The following NETO2 variants were observed in gnomAD, a reference collection of about 807,000 sequenced individuals.
The protein encoded by NETO2 is neuropilin and tolloid-like protein 2.
Under a neutral mutation model 62.5 loss-of-function variants are expected in NETO2, and 28 were observed. The observed-to-expected ratio is 0.45, with a 90% CI of 0.33 to 0.61. NETO2 has a LOEUF of 0.61. Ranked by LOEUF, NETO2 falls within the 20% of genes least tolerant of loss-of-function variation. NETO2 has a pLI of 0.02. For synonymous variants in NETO2, 214 were observed against 219.1 expected, an observed-to-expected ratio of 0.98 and a Z score of 0.21; for missense variants, 548 against 643.2, an observed-to-expected ratio of 0.85 and a Z score of 1.60.
chr16:47,124,652 A>C (rs1964117805), intron 4 of NETO2, among the ~76,000 whole-genome samples: 2 of 152,220 alleles, frequency 1.3e-5, no homozygotes, highest in African/African-American at 4.8e-5. Context: ...CTTTTCTCCA[A>C]TGTGACCTCA....
At chr16:47,100,940 T>TAACTCA (rs902624708) in intron 7 of NETO2, among the ~76,000 whole-genome samples, 10 of 152,184 alleles carry the variant, frequency 6.6e-5, no homozygotes, top group African/African-American at 2.4e-4. Context: ...GACTTCTCCA[T>TAACTCA]AACTCACTTT....
rs1429118001 is a variant in NETO2, at chr16:47,079,213, GGAGCTTGCAGT to G, written c.*3997_*4007del. 1 of 151,282 alleles carries G rather than the reference GGAGCTTGCAGT, an allele frequency of 6.6e-6. No individual in the cohort carries two copies. Among genetic ancestry groups the G allele is most frequent in the African/African-American group, 2.4e-5 (1 of 41,054 alleles). 9.4% of individuals were successfully genotyped at this position (151,282 alleles called of 1,614,324 possible). A position where few individuals can be genotyped will look rare whatever the true frequency, so the allele number is the denominator to read the frequency against. On this transcript the variant is annotated 3_prime_UTR_variant, in exon 9 of 9. Coordinates refer to ENST00000562435, the MANE Select transcript of NETO2 (RefSeq NM_018092.5). ...GGAGAATGGCATGAACCCGGGAGGC[GGAGCTTGCAGT>G]GAGCCGAGATCACGCCACTGCACTC...
intron 7 of NETO2, among the ~76,000 whole-genome samples, chr16:47,104,992 T>A (rs979831423): frequency 1.3e-5 from 2 of 152,052 alleles, no homozygotes; most frequent in Non-Finnish European, 2.9e-5. Context: ...AGTGCTCGGA[T>A]AACAGGCATG....
intron 6 of NETO2, among the ~76,000 whole-genome samples, chr16:47,120,413 G>C (rs1250630962): frequency 1.3e-5 from 2 of 151,814 alleles, no homozygotes; most frequent in African/African-American, 4.8e-5. Flanking sequence ...TGTATTTATA[G>C]GGTACATGAG....
intron 8 of NETO2, among the ~76,000 whole-genome samples, chr16:47,085,567 A>G (rs1194603433): frequency 6.6e-6 from 1 of 151,568 alleles, no homozygotes; most frequent in Non-Finnish European, 1.5e-5. Flanking sequence ...TGTTTTTAGT[A>G]GAAATGGGGT....
At chr16:47,141,791 C>T (rs1390429734) in intron 1 of NETO2, among the ~76,000 whole-genome samples, 1 of 152,226 alleles carries the variant, frequency 6.6e-6, no homozygotes. Context: ...ATTGTTTTCA[C>T]CGTAGCTCTG....
chr16:47,084,463 A>G (rs1474401513), intron 8 of NETO2, among the ~76,000 whole-genome samples: 1 of 152,158 alleles, frequency 6.6e-6, no homozygotes, highest in East Asian at 1.9e-4. Flanking sequence ...GCTGCTCCCC[A>G]TCACTCGCAT....
At chr16:47,110,591 TCA>T (rs529403637) in intron 6 of NETO2, among the ~76,000 whole-genome samples, 45 of 152,200 alleles carry the variant, frequency 3.0e-4, no homozygotes, top group Non-Finnish European at 5.1e-4. Flanking sequence ...CTTTACATAC[TCA>T]CACAGTGTTC....
chr16:47,140,537 G>T (rs1964441473), intron 1 of NETO2, among the ~76,000 whole-genome samples: 1 of 152,174 alleles, frequency 6.6e-6, no homozygotes, highest in Admixed American at 6.5e-5. Context: ...CCTAAATAGT[G>T]ATTTTAATTT....
intron 6 of NETO2, among the ~76,000 whole-genome samples, chr16:47,118,438 G>T (rs916768435): frequency 3.3e-5 from 5 of 152,052 alleles, no homozygotes; most frequent in Non-Finnish European, 5.9e-5. Flanking sequence ...TGACAACATG[G>T]TCTCCTCTAT....
chr16:47,122,795 T>C lies in NETO2; in HGVS notation c.527-11A>G, dbSNP rs748508582. 2 of 1,613,952 alleles carry C rather than the reference T, an allele frequency of 1.2e-6. No individual in the cohort carries two copies. The highest frequency in any genetic ancestry group is 1.1e-5 in the South Asian group (1 of 91,050). On this transcript the variant is annotated splice_polypyrimidine_tract_variant and intron_variant, in intron 5 of 8. Coordinates refer to ENST00000562435, the MANE Select transcript of NETO2 (RefSeq NM_018092.5). ...GCTCGAACTGACAATCTGGAAGGAA[T>C]ACATGAAAGGTGTTCAAAGGAACAT... is the stretch of plus-strand genomic sequence containing the variant.
rs1198009001 is a variant in NETO2, at chr16:47,080,734, C to T, written c.*2487G>A. 1 of 152,158 alleles carries T rather than the reference C, an allele frequency of 6.6e-6. No individual in the cohort carries two copies. The highest frequency in any genetic ancestry group is 2.4e-5 in the African/African-American group (1 of 41,434). The allele number at this position is 152,158 out of a possible 1,614,324, so 9.4% of individuals were successfully genotyped here. A position where few individuals can be genotyped will look rare whatever the true frequency, so the allele number is the denominator to read the frequency against. ...CCTGAAAATACAGACTGACCCTAAACCAATGTTCCTAGACGACATTAAGTT... is the reference window on the plus strand; with the variant it reads ...CCTGAAAATACAGACTGACCCTAAATCAATGTTCCTAGACGACATTAAGTT... On this transcript the variant is annotated 3_prime_UTR_variant, in exon 9 of 9. Transcript: ENST00000562435.
intron 4 of NETO2, among the ~76,000 whole-genome samples, chr16:47,125,517 C>T (rs950951780): frequency 6.6e-6 from 1 of 151,862 alleles, no homozygotes; most frequent in Admixed American, 6.6e-5. Flanking sequence ...AGCTAACTGT[C>T]GTATTTTTAG....
chr16:47,097,540 A>T (rs1341959778), intron 7 of NETO2, among the ~76,000 whole-genome samples: 1 of 152,208 alleles, frequency 6.6e-6, no homozygotes, highest in Non-Finnish European at 1.5e-5. Flanking sequence ...CTTATAGATA[A>T]AACTCCCATC....
chr16:47,123,008 G>T, intron 4 of NETO2, 96 bp from the exon 5 acceptor site: 1 of 1,193,834 alleles, frequency 8.4e-7, no homozygotes, highest in South Asian at 1.4e-5. Context: ...TCATAGCAAG[G>T]TAAGAGAAGC....
chr16:47,116,911 G>GT, intron 6 of NETO2, among the ~76,000 whole-genome samples: 1 of 152,238 alleles, frequency 6.6e-6, no homozygotes, highest in East Asian at 1.9e-4. Context: ...GCTGTTCCCT[G>GT]TATTTTCTTA....
chr16:47,110,949 A>G (rs1234824290), intron 6 of NETO2, among the ~76,000 whole-genome samples: 1 of 152,196 alleles, frequency 6.6e-6, no homozygotes, highest in East Asian at 1.9e-4. Flanking sequence ...AATGGTGGAA[A>G]ATTGGTAATG....
At chr16:47,085,594 G>A (rs1418584631) in intron 8 of NETO2, among the ~76,000 whole-genome samples, 4 of 151,680 alleles carry the variant, frequency 2.6e-5, no homozygotes, top group African/African-American at 9.7e-5. Flanking sequence ...ATGTTAGCCA[G>A]GTTGGTCTTG....
At position 47,080,627 on chromosome 16, in the gene NETO2, A is replaced by T. The variant is rs1212244346; in HGVS notation, c.*2594T>A. On this transcript the variant is annotated 3_prime_UTR_variant, in exon 9 of 9. Coordinates refer to ENST00000562435, the MANE Select transcript of NETO2 (RefSeq NM_018092.5). ...AATAAATAAATGAGATCTAATGCCCATCTATGATTCAATGAAGGTGTATAA... is the reference window on the plus strand; with the variant it reads ...AATAAATAAATGAGATCTAATGCCCTTCTATGATTCAATGAAGGTGTATAA... 1.3e-5 allele frequency: 2 copies of T among 152,244 alleles called. No individual in the cohort carries two copies. Among genetic ancestry groups the T allele is most frequent in the Non-Finnish European group, 2.9e-5 (2 of 68,032 alleles). The allele number at this position is 152,244 out of a possible 1,614,324, so 9.4% of individuals were successfully genotyped here.
Sources: allele counts gnomAD v4.1 joint callset (sites outside exome capture counted in the v4.1 genomes callset), GRCh38; gene constraint gnomAD v4.1.1; transcripts MANE v1.5; gene names NCBI Gene and HGNC (gene_info 2026-07-23, HGNC 2026-07-21).